CLVS1: variants seen among roughly 807,000 people sequenced by gnomAD.
CLVS1 encodes the protein clavesin-1.
CLVS1 carries 10 observed loss-of-function variants against 33.1 expected under a neutral mutation model. That is an observed-to-expected ratio of 0.30 (90% CI 0.19 to 0.51). The LOEUF (loss-of-function observed/expected upper bound fraction) is 0.51, where lower values mean the gene tolerates loss of function less well. Ranked by LOEUF, CLVS1 falls within the 20% of genes least tolerant of loss-of-function variation. CLVS1 has a pLI of 0.97. For missense variants in CLVS1, 343 were observed against 433.4 expected (o/e 0.79, Z 1.85); for synonymous variants, 163 against 166.1 (o/e 0.98, Z 0.14).
At chr8:61,363,814 C>A (rs1813082019) in intron 2 of CLVS1, among the ~76,000 whole-genome samples, 3 of 152,204 alleles carry the variant, frequency 2.0e-5, no homozygotes, top group South Asian at 4.1e-4. Flanking sequence ...GAGCTCTCAG[C>A]CCACTGGTTT....
At chr8:61,261,292 A>T (rs1208593022) in intron 2 of CLVS1, among the ~76,000 whole-genome samples, 3 of 152,214 alleles carry the variant, frequency 2.0e-5, no homozygotes, top group Non-Finnish European at 4.4e-5. Flanking sequence ...GTTGTGAAAC[A>T]CTGGTTAAGC....
intron 2 of CLVS1, among the ~76,000 whole-genome samples, chr8:61,240,483 C>T (rs542512554): frequency 7.2e-5 from 11 of 152,298 alleles, no homozygotes; most frequent in African/African-American, 2.6e-4. Context: ...TCCATTTTGT[C>T]AAACAATTTC....
intron 2 of CLVS1, among the ~76,000 whole-genome samples, chr8:61,271,320 C>A: frequency 6.6e-6 from 1 of 151,058 alleles, no homozygotes; most frequent in East Asian, 1.9e-4. Context: ...TGGAGTTGAG[C>A]GGTTTTGAGT....
chr8:61,327,370 T>G (rs556410264), intron 2 of CLVS1, among the ~76,000 whole-genome samples: 3 of 152,224 alleles, frequency 2.0e-5, no homozygotes, highest in Non-Finnish European at 4.4e-5. Flanking sequence ...TTTGATATTT[T>G]TACTTATTAT....
chr8:61,302,474 TCC>T (rs1810472586), intron 2 of CLVS1, among the ~76,000 whole-genome samples: 1 of 152,118 alleles, frequency 6.6e-6, no homozygotes, highest in Non-Finnish European at 1.5e-5. Context: ...GAACATACAA[TCC>T]CTGCCGGTTA....
intron 5 of CLVS1, among the ~76,000 whole-genome samples, chr8:61,495,652 T>C (rs973120373): frequency 3.9e-5 from 6 of 152,074 alleles, no homozygotes; most frequent in African/African-American, 1.4e-4. Context: ...GGGAGAGAAA[T>C]TGTTAACAGC....
intron 5 of CLVS1, among the ~76,000 whole-genome samples, chr8:61,488,649 CT>C (rs765979316): frequency 6.6e-6 from 1 of 152,178 alleles, no homozygotes; most frequent in Non-Finnish European, 1.5e-5. Flanking sequence ...GCTCCAAGCA[CT>C]TTATTGTATC....
At chr8:61,493,754 ACC>A (rs1210574221) in intron 5 of CLVS1, among the ~76,000 whole-genome samples, 1 of 152,208 alleles carries the variant, frequency 6.6e-6, no homozygotes, top group Non-Finnish European at 1.5e-5. Context: ...ATTCCATAAA[ACC>A]AAGTTTGTTG....
chr8:61,113,961 G>A (rs1293260172), intron 1 of CLVS1, among the ~76,000 whole-genome samples: 1 of 152,194 alleles, frequency 6.6e-6, no homozygotes, highest in Non-Finnish European at 1.5e-5. Flanking sequence ...TCAGACGACA[G>A]CTGACTTTTG....
In CLVS1 at chr8:61,185,924, G is replaced by A. The variant is rs574795806; in HGVS notation, c.-152+54064G>A. Among the ~76,000 whole-genome samples, 4 of 152,298 alleles carry A rather than the reference G, an allele frequency of 2.6e-5. No individual in the cohort carries two copies. The East Asian group carries it at 5.8e-4, about 22-fold the overall frequency. On this transcript the variant is annotated intron_variant, in intron 2 of 2. Coordinates refer to the CLVS1 transcript ENST00000522621. ...ACAAATGTTAGCCGTTGGTATTACT[G>A]CCATGTTTCCAAATCTTGTTTCCTC...
At chr8:61,017,958 C>T in the CLVS1 span, among the ~76,000 whole-genome samples, 1 of 152,156 alleles carries the variant, frequency 6.6e-6, no homozygotes, top group African/African-American at 2.4e-5. Context: ...GTATTAAATC[C>T]CTACTGTGTT....
At chr8:61,035,514 C>T in the CLVS1 span, among the ~76,000 whole-genome samples, 69,156 of 151,940 alleles carry the variant, frequency 0.46, 16,402 homozygotes, top group Middle Eastern at 0.56. Flanking sequence ...TGGCCGGCCC[C>T]GGGCGTCTGA....
chr8:61,340,958 G>A (rs1812009028), intron 2 of CLVS1, among the ~76,000 whole-genome samples: 1 of 152,212 alleles, frequency 6.6e-6, no homozygotes, highest in Admixed American at 6.5e-5. Context: ...AAGACAATTT[G>A]TATTTCCTGG....
chr8:61,251,095 AC>A (rs1355027551), intron 2 of CLVS1, among the ~76,000 whole-genome samples: 2 of 152,104 alleles, frequency 1.3e-5, no homozygotes, highest in Admixed American at 6.5e-5. Context: ...TTCCATTGAT[AC>A]CTAGTTTATT....
At chr8:60,973,781 C>G in the CLVS1 span, among the ~76,000 whole-genome samples, 1 of 152,176 alleles carries the variant, frequency 6.6e-6, no homozygotes, top group Non-Finnish European at 1.5e-5. Context: ...CTCGAGCTCA[C>G]TCGCCCAGCT....
At chr8:60,984,377 A>G in the CLVS1 span, among the ~76,000 whole-genome samples, 3 of 149,212 alleles carry the variant, frequency 2.0e-5, no homozygotes, top group Non-Finnish European at 4.4e-5. Flanking sequence ...CTGGAGTGCA[A>G]TGGCGGGATC....
At position 61,462,747 on chromosome 8, in the gene CLVS1, C is replaced by A. The variant is rs547229036; in HGVS notation, c.977+4205C>A. Among the ~76,000 whole-genome samples, 23 of 152,274 alleles carry A rather than the reference C, an allele frequency of 1.5e-4. No homozygotes were observed. In the South Asian group the frequency reaches 4.6e-3, roughly 30 times the overall value. On this transcript the variant is annotated intron_variant, in intron 5 of 5. Transcript: ENST00000325897. ...ACCGTGCTATAAACAGATATACTGT[C>A]ATTCAAGCTTCATTGTTCTATTTAT... is the stretch of plus-strand genomic sequence containing the variant.
At chr8:61,277,433 A>G (rs1374029849) in intron 2 of CLVS1, among the ~76,000 whole-genome samples, 2 of 152,178 alleles carry the variant, frequency 1.3e-5, no homozygotes, top group African/African-American at 4.8e-5. Flanking sequence ...TTTGTTGTGT[A>G]TGACGTCCGC....
At chr8:61,240,878 A>T (rs1156859045) in intron 2 of CLVS1, among the ~76,000 whole-genome samples, 3 of 138,350 alleles carry the variant, frequency 2.2e-5, no homozygotes, top group Admixed American at 7.1e-5. Context: ...TCTAAAATGA[A>T]TGATGTTTGC....
Sources: gnomAD v4.1 joint callset for allele counts (sites outside exome capture counted in the v4.1 genomes callset) on GRCh38, gnomAD v4.1.1 for gene constraint, MANE v1.5 for transcripts, NCBI Gene and HGNC (gene_info 2026-07-23, HGNC 2026-07-21) for gene names.